The following CNNM3 variants were observed in gnomAD, a reference collection of about 807,000 sequenced individuals.
CNNM3 encodes cyclin and CBS domain divalent metal cation transport mediator 3.
Under a neutral mutation model 57.1 loss-of-function variants are expected in CNNM3, and 47 were observed. That is an observed-to-expected ratio of 0.82 (90% CI 0.65 to 1.05). CNNM3 has a LOEUF of 1.05. Among genes scored for constraint, CNNM3 ranks in the 50% least tolerant of loss-of-function variants. The probability of loss-of-function intolerance (pLI) is 0.00; values close to 1 mark genes in which losing one functional copy is unlikely to be tolerated. For missense variants in CNNM3, 957 were observed against 973.7 expected, an observed-to-expected ratio of 0.98 and a Z score of 0.23; for synonymous variants, 507 against 478.2, an observed-to-expected ratio of 1.06 and a Z score of -0.79.
intron 1 of CNNM3, among the ~76,000 whole-genome samples, chr2:96,820,125 A>T (rs2079385480): frequency 6.6e-6 from 1 of 152,208 alleles, no homozygotes; most frequent in Non-Finnish European, 1.5e-5. Flanking sequence ...ACACCAGCGC[A>T]GGGAGACCAG....
At chr2:96,823,333 G>A (rs1196268246) in intron 1 of CNNM3, among the ~76,000 whole-genome samples, 1 of 152,194 alleles carries the variant, frequency 6.6e-6, no homozygotes, top group African/African-American at 2.4e-5. Context: ...GCGCCGAGGT[G>A]GCCATTTAGA....
At chr2:96,837,243 T>A (rs1345371716), downstream of CNNM3, 2 of 152,242 alleles carry the variant, frequency 1.3e-5, no homozygotes, top group Admixed American at 6.5e-5. Flanking sequence ...ACAAAACATC[T>A]TCTAGGATTT....
intron 3 of CNNM3, among the ~76,000 whole-genome samples, 196 bp downstream of exon 3, chr2:96,827,178 C>T (rs972570595): frequency 6.6e-6 from 1 of 152,132 alleles, no homozygotes; most frequent in Non-Finnish European, 1.5e-5. Flanking sequence ...TGACCAAGAG[C>T]AGGGCCAGGC....
At chr2:96,817,559 G>T in intron 1 of CNNM3, 57 bp downstream of exon 1, 1 of 1,522,902 alleles carries the variant, frequency 6.6e-7, no homozygotes, top group Non-Finnish European at 9.0e-7. Context: ...TCCCTGAAAA[G>T]GGGTGGAGAG....
At chr2:96,819,345 G>A (rs187398466) in intron 1 of CNNM3, among the ~76,000 whole-genome samples, 1 of 152,354 alleles carries the variant, frequency 6.6e-6, no homozygotes, top group African/African-American at 2.4e-5. Context: ...CTGCCCCCAG[G>A]CCCTGAAGGC....
chr2:96,828,280 C>G, intron 5 of CNNM3, 85 bp downstream of exon 5: 1 of 1,079,106 alleles, frequency 9.3e-7, no homozygotes, highest in Non-Finnish European at 1.4e-6. Context: ...CTCAGTGCCC[C>G]TCCTCACCTC....
Position 96,822,148 on chromosome 2 carries a change from G to A in CNNM3, c.1226-2910G>A, listed in dbSNP as rs564422677. Among the ~76,000 whole-genome samples, 11 of 151,588 alleles carry A rather than the reference G, an allele frequency of 7.3e-5. No homozygotes were observed. In the South Asian group the frequency reaches 1.5e-3, roughly 20 times the overall value. Reference sequence around the variant, plus strand: ...CTCCTGAGTAGCTGGGACTACAGGCGTGCACCACCACGCCCAGCTAACTTT... The same window carrying A: ...CTCCTGAGTAGCTGGGACTACAGGCATGCACCACCACGCCCAGCTAACTTT... On this transcript the variant is annotated intron_variant, in intron 1 of 7. Transcript: ENST00000305510.
chr2:96,821,942 A>T (rs1302833160), intron 1 of CNNM3, among the ~76,000 whole-genome samples: 3 of 152,144 alleles, frequency 2.0e-5, no homozygotes, highest in Admixed American at 6.5e-5. Flanking sequence ...GAAAAATTGT[A>T]ATTTGAACCA....
rs148563074 is a variant in CNNM3 at position 96,828,636 on chromosome 2, C to G, written c.1856C>G (p.Thr619Arg). Residue 619 changes from threonine (T) to arginine (R), a missense_variant, in exon 6 of 8, where the codon ACG (threonine) becomes AGG (arginine). Transcript: ENST00000305510. ...CTGCAGCCCGACCCAGGTGACGGCACGCATTCATCTGCGTATTGTCCCGAC... is the reference window on the plus strand; with the variant it reads ...CTGCAGCCCGACCCAGGTGACGGCAGGCATTCATCTGCGTATTGTCCCGAC... ...HDLQPDPGDG[T>R]HSSAYCPDYT... 6.2e-7 allele frequency: 1 copy of G among 1,614,146 alleles called. No homozygotes were observed. Among genetic ancestry groups the G allele is most frequent in the South Asian group, 1.1e-5 (1 of 91,086 alleles).
At position 96,833,016 on chromosome 2, in the gene CNNM3, T is replaced by C. The variant is rs1435806609; in HGVS notation, c.*400T>C. 7.6e-7 allele frequency: 1 copy of C among 1,311,792 alleles called. No homozygotes were observed. Among genetic ancestry groups the C allele is most frequent in the African/African-American group, 1.5e-5 (1 of 66,886 alleles). 81.3% of individuals were successfully genotyped at this position (1,311,792 alleles called of 1,614,324 possible). A position where few individuals can be genotyped will look rare whatever the true frequency, so the allele number is the denominator to read the frequency against. The stretch of plus-strand genomic sequence containing the variant: ...TGCCTTTGTGTGGCCGTGACCTCTA[T>C]TTGTTTGCTTTTAATTTGCCAACCT... On this transcript the variant is annotated 3_prime_UTR_variant, in exon 8 of 8. Coordinates refer to ENST00000305510, the MANE Select transcript of CNNM3 (RefSeq NM_017623.5).
chr2:96,828,344 GGAGGGA>G (rs2079545032), intron 5 of CNNM3, 149 bp downstream of exon 5: 1 of 835,228 alleles, frequency 1.2e-6, no homozygotes, highest in African/African-American at 1.7e-5. Flanking sequence ...TGGGCTTCCA[GGAGGGA>G]GGGCAGCATT....
chr2:96,828,574 G>A lies in CNNM3; in HGVS notation c.1794G>A (p.Gln598=). 1 of 1,614,174 alleles carries A rather than the reference G, an allele frequency of 6.2e-7. No homozygotes were observed. The highest frequency in any genetic ancestry group is 1.1e-5 in the South Asian group (1 of 91,082). Residue 598 remains glutamine, a synonymous_variant, in exon 6 of 8, where the codon CAG becomes CAA. Transcript: ENST00000305510. The part of the protein sequence containing the change: ...SALTVPSSVH[Q]SPVSSLQPIR... ...TGATTGTTCCTTTGATAGTTCACCA[G>A]TCCCCGGTGTCCTCGCTCCAGCCCA...
chr2:96,821,960 G>T (rs986755127), intron 1 of CNNM3, among the ~76,000 whole-genome samples: 5 of 151,608 alleles, frequency 3.3e-5, no homozygotes, highest in African/African-American at 4.8e-5. Context: ...CCATTGTTAA[G>T]TAAGGGACCT....
downstream of CNNM3, among the ~76,000 whole-genome samples, chr2:96,835,643 A>G (rs894966681): frequency 4.6e-5 from 7 of 151,622 alleles, no homozygotes; most frequent in Admixed American, 1.3e-4. Flanking sequence ...AGTTTTTTGT[A>G]TTTTTAGTAG....
In CNNM3 at chr2:96,816,782, C is replaced by T. The variant is rs2079325971; in HGVS notation, c.505C>T (p.Leu169=). The change falls in exon 1 of 8, where the codon CTG becomes TTG. Residue 169 remains leucine (L), a synonymous_variant. Transcript: ENST00000305510. ...LALAPAEVQV[L]RESGSEAERA... is the part of the protein sequence containing the mutation. ...GCTGGCGCCTGCCGAGGTGCAGGTG[C>T]TGCGCGAGAGCGGCTCGGAGGCGGA... 6 of 1,022,182 alleles carry T rather than the reference C, an allele frequency of 5.9e-6. No individual in the cohort carries two copies. Among genetic ancestry groups the T allele is most frequent in the Non-Finnish European group, 7.0e-6 (6 of 856,492 alleles). 63.3% of individuals were successfully genotyped at this position (1,022,182 alleles called of 1,614,324 possible).
intron 1 of CNNM3, among the ~76,000 whole-genome samples, chr2:96,818,682 T>C (rs1466288542): frequency 6.6e-6 from 1 of 152,176 alleles, no homozygotes; most frequent in Non-Finnish European, 1.5e-5. Context: ...TGTGAAGGTG[T>C]GGTTTCTTCT....
rs755454198 is a variant in CNNM3, at chr2:96,816,306, G to C, written c.29G>C (p.Arg10Pro). Residue 10 changes from arginine to proline, a missense_variant, in exon 1 of 8, where the codon CGG becomes CCG. Coordinates refer to ENST00000305510, the MANE Select transcript of CNNM3 (RefSeq NM_017623.5). Reference protein sequence around the residue: MAAAVAAAGRLGWLFAALCL... With the variant: MAAAVAAAGPLGWLFAALCL... ...GCGGCGGCGGTAGCTGCGGCGGGTCGGTTAGGCTGGTTGTTCGCCGCGCTC... is the reference window on the plus strand; with the variant it reads ...GCGGCGGCGGTAGCTGCGGCGGGTCCGTTAGGCTGGTTGTTCGCCGCGCTC... The C allele has an allele frequency of 5.4e-6, 7 of 1,287,294 alleles. No homozygotes were observed. Among genetic ancestry groups the C allele is most frequent in the South Asian group, 5.2e-5 (2 of 38,738 alleles). 79.7% of individuals were successfully genotyped at this position (1,287,294 alleles called of 1,614,324 possible). A position where few individuals can be genotyped will look rare whatever the true frequency, so the allele number is the denominator to read the frequency against.
chr2:96,828,296 C>T (rs2079544126), intron 5 of CNNM3, 101 bp downstream of exon 5: 1 of 964,094 alleles, frequency 1.0e-6, no homozygotes, highest in Admixed American at 2.1e-5. Flanking sequence ...ACCTCTCCTT[C>T]CACCTGAGCC....
Position 96,832,813 on chromosome 2 carries a change from T to C in CNNM3, c.*197T>C, listed in dbSNP as rs973448355. On this transcript the variant is annotated 3_prime_UTR_variant, in exon 8 of 8. Coordinates refer to ENST00000305510, the MANE Select transcript of CNNM3 (RefSeq NM_017623.5). Reference sequence around the variant, plus strand: ...TCCTTCAGCCGGCCCTGCCCTCCTTTAGGAGACAGGAGTCACCAGGGCACA... The same window carrying C: ...TCCTTCAGCCGGCCCTGCCCTCCTTCAGGAGACAGGAGTCACCAGGGCACA... 7.3e-6 allele frequency: 11 copies of C among 1,507,024 alleles called. No individual in the cohort carries two copies. Among genetic ancestry groups the C allele is most frequent in the East Asian group, 2.5e-5 (1 of 39,568 alleles). The allele number at this position is 1,507,024 out of a possible 1,614,324, so 93.4% of individuals were successfully genotyped here. A position where few individuals can be genotyped will look rare whatever the true frequency, so the allele number is the denominator to read the frequency against.
Sources: allele counts gnomAD v4.1 joint callset (sites outside exome capture counted in the v4.1 genomes callset), GRCh38; gene constraint gnomAD v4.1.1; transcripts MANE v1.5; gene names NCBI Gene and HGNC (gene_info 2026-07-23, HGNC 2026-07-21).